Variants in DES observed in about 807,000 individuals in gnomAD.
DES encodes cardiomyopathy, dilated 1F (autosomal dominant).
Under a neutral mutation model 55.1 loss-of-function variants are expected in DES, and 34 were observed. The ratio of observed to expected loss-of-function variants is 0.62; its 90% confidence interval spans 0.47 to 0.82. The LOEUF (loss-of-function observed/expected upper bound fraction) is 0.82. Among genes scored for constraint, DES ranks in the 40% least tolerant of loss-of-function variants. The pLI is 0.00. For synonymous variants in DES, 259 were observed against 270.8 expected (o/e 0.96, Z 0.43); for missense variants, 596 against 645.9 (o/e 0.92, Z 0.84).
chr2:219,421,203 C>T, intron 5 of DES, 137 bp from the exon 6 acceptor site: 1 of 1,017,962 alleles, frequency 9.8e-7, no homozygotes, highest in Non-Finnish European at 1.5e-6. Flanking sequence ...TGAGTGTTCA[C>T]ATATAGACTT....
rs563901507 is a variant in DES, at chr2:219,419,690, G to A, written c.579-405G>A. ...TCCAAGAACGAAAAGGGCAGCAAGT[G>A]TAGCATATTTGTTGGTCCCACTTCT... On this transcript the variant is annotated intron_variant, in intron 1 of 8. Transcript: ENST00000373960. This position sits in a 1 kb window ranked among gnomAD's most constrained non-coding sequence, Gnocchi z 4.3. 6.6e-6 allele frequency among the ~76,000 whole-genome samples: 1 copy of A among 152,334 alleles called. No homozygotes were observed. Among genetic ancestry groups the A allele is most frequent in the South Asian group, 2.1e-4 (1 of 4,826 alleles).
chr2:219,422,181 A>G (rs1954457603), intron 6 of DES, among the ~76,000 whole-genome samples: 1 of 152,214 alleles, frequency 6.6e-6, no homozygotes, highest in Non-Finnish European at 1.5e-5. Flanking sequence ...AGATGAAAGC[A>G]GAATGGGGAG....
At position 219,420,634 on chromosome 2, in the gene DES, C is replaced by T; in HGVS notation, c.875C>T (p.Ala292Val). 6.2e-7 allele frequency: 1 copy of T among 1,614,034 alleles called. No individual in the cohort carries two copies. The highest frequency in any genetic ancestry group is 8.5e-7 in the Non-Finnish European group (1 of 1,180,028). The change falls in exon 4 of 9, where the codon GCT becomes GTT. Residue 292 changes from alanine (A) to valine (V), a missense_variant. Physicochemically the swap from Ala to Val is moderately conservative, Grantham distance 64 (BLOSUM62 0). Coordinates refer to ENST00000373960, the MANE Select transcript of DES (RefSeq NM_001927.4). This position sits in a 1 kb window ranked among gnomAD's most constrained non-coding sequence, Gnocchi z 6.0. ...ATCGCGGCTAAGAACATTTCTGAAG[C>T]TGAGGAGTGGTACAAGTCGAAGGTG... is the stretch of plus-strand genomic sequence containing the variant. Reference protein sequence around the residue: ...ETIAAKNISEAEEWYKSKVSD... With the variant: ...ETIAAKNISEVEEWYKSKVSD...
intron 7 of DES, chr2:219,425,421 G>A (rs2125171742): frequency 5.6e-6 from 3 of 538,872 alleles, no homozygotes; most frequent in East Asian, 3.3e-5. Context: ...TGCACATGGA[G>A]CAAATCTGTT....
intron 6 of DES, among the ~76,000 whole-genome samples, chr2:219,423,165 A>G (rs1012150561): frequency 2.6e-5 from 4 of 152,166 alleles, no homozygotes; most frequent in African/African-American, 9.7e-5. Context: ...TACTAGTACC[A>G]ACTTCAGTGC....
rs1484035342 is a variant in DES at position 219,420,422 on chromosome 2, C to T, written c.736-73C>T. The stretch of plus-strand genomic sequence containing the variant: ...CGGAAAGTGGGGTTGGGGTGAGGCT[C>T]TGGCTGGGAATAGGGGTGTGAGGGT... On this transcript the variant is annotated intron_variant, in intron 3 of 8. Transcript: ENST00000373960. The surrounding 1 kb of genome is among the most constrained non-coding windows in gnomAD (Gnocchi z 6.0). 4 of 1,612,608 alleles carry T rather than the reference C, an allele frequency of 2.5e-6. No homozygotes were observed. Among genetic ancestry groups the T allele is most frequent in the Non-Finnish European group, 3.4e-6 (4 of 1,179,402 alleles).
rs1056887883 is a variant in DES at position 219,423,725 on chromosome 2, G to T, written c.1245-52G>T. 3.8e-6 allele frequency: 6 copies of T among 1,588,988 alleles called. No individual in the cohort carries two copies. The East Asian group carries it at 1.3e-4, about 36-fold the overall frequency. On this transcript the variant is annotated intron_variant, in intron 6 of 8. Transcript: ENST00000373960. ...AAGTGCTGGGATTACAGCTGGGCCCGGCCGATGGGAGGGTTCTTAACTCTT... is the reference window on the plus strand; with the variant it reads ...AAGTGCTGGGATTACAGCTGGGCCCTGCCGATGGGAGGGTTCTTAACTCTT...
At chr2:219,421,106 G>T (rs1954432762) in intron 5 of DES, among the ~76,000 whole-genome samples, 153 bp downstream of exon 5, 1 of 152,208 alleles carries the variant, frequency 6.6e-6, no homozygotes, top group African/African-American at 2.4e-5. Flanking sequence ...ATTCCAGTTG[G>T]ATGCTAAGGA....
At position 219,418,402 on chromosome 2, in the gene DES, C is replaced by A. The variant is rs1229826792; in HGVS notation, c.-61C>A. On this transcript the variant is annotated 5_prime_UTR_variant, in exon 1 of 9. Transcript: ENST00000373960. ...GTCTCCCCTCGCCGCATCCACTCTCCGGCCGGCCGCCTGCCCGCCGCCTCC... is the reference window on the plus strand; with the variant it reads ...GTCTCCCCTCGCCGCATCCACTCTCAGGCCGGCCGCCTGCCCGCCGCCTCC... The A allele has an allele frequency of 2.0e-6, 3 of 1,503,346 alleles. No homozygotes were observed. The highest frequency in any genetic ancestry group is 1.8e-6 in the Non-Finnish European group (2 of 1,130,936). 93.1% of individuals were successfully genotyped at this position (1,503,346 alleles called of 1,614,324 possible).
intron 7 of DES, among the ~76,000 whole-genome samples, chr2:219,424,271 T>C (rs1954497676): frequency 6.6e-6 from 1 of 152,180 alleles, no homozygotes; most frequent in South Asian, 2.1e-4. Context: ...AGCAAGATGT[T>C]GGATGCACGT....
rs750160975 is a variant in DES, at chr2:219,420,598, A to G, written c.839A>G (p.Gln280Arg). The change falls in exon 4 of 9, where the codon CAG (glutamine) becomes CGG (arginine). Residue 280 changes from glutamine (Q) to arginine (R), a missense_variant. Physicochemically the swap from Gln to Arg is conservative, Grantham distance 43. Transcript: ENST00000373960. The surrounding 1 kb of genome is among the most constrained non-coding windows in gnomAD (Gnocchi z 6.0). ...GCCGCCCTCAGGGACATCCGGGCTC[A>G]GTATGAGACCATCGCGGCTAAGAAC... ...LTAALRDIRA[Q>R]YETIAAKNIS... 3 of 1,614,066 alleles carry G rather than the reference A, an allele frequency of 1.9e-6. No individual in the cohort carries two copies. In the South Asian group the frequency reaches 3.3e-5, roughly 18 times the overall value.
rs1039179103 is a variant in DES at position 219,420,959 on chromosome 2, T to G, written c.1023+6T>G. Reference sequence around the variant, plus strand: ...TTGACGCCCTGAAGGGCACTGTGAGTCCCTGCCCACCTGGCCAGGCCCTGC... The same window carrying G: ...TTGACGCCCTGAAGGGCACTGTGAGGCCCTGCCCACCTGGCCAGGCCCTGC... On this transcript the variant is annotated splice_donor_region_variant and intron_variant, in intron 5 of 8. Coordinates refer to ENST00000373960, the MANE Select transcript of DES (RefSeq NM_001927.4). This position sits in a 1 kb window ranked among gnomAD's most constrained non-coding sequence, Gnocchi z 6.0. The G allele has an allele frequency of 1.9e-6, 3 of 1,612,648 alleles. No homozygotes were observed. The highest frequency in any genetic ancestry group is 2.7e-5 in the African/African-American group (2 of 74,810).
chr2:219,421,268 C>G (rs1954435442), intron 5 of DES, 72 bp from the exon 6 acceptor site: 1 of 1,561,568 alleles, frequency 6.4e-7, no homozygotes, highest in African/African-American at 1.4e-5. Context: ...AGTTGCCTGC[C>G]AGCCCCAAAG....
intron 5 of DES, 119 bp downstream of exon 5, chr2:219,421,072 A>G (rs1954432428): frequency 1.4e-6 from 2 of 1,408,766 alleles, no homozygotes; most frequent in Non-Finnish European, 1.9e-6. Flanking sequence ...TAAATCTACA[A>G]TAGGGGTAAA....
rs1444714450 is a variant in DES at position 219,420,927 on chromosome 2, T to C, written c.997T>C (p.Cys333Arg). Residue 333 changes from cysteine to arginine, a missense_variant, in exon 5 of 9, where the codon TGC becomes CGC. Transcript: ENST00000373960. This position sits in a 1 kb window ranked among gnomAD's most constrained non-coding sequence, Gnocchi z 6.0. ...EYRHQIQSYT[C>R]EIDALKGTND... ...CCGACACCAGATCCAGTCCTACACC[T>C]GCGAGATTGACGCCCTGAAGGGCAC... 6.2e-7 allele frequency: 1 copy of C among 1,613,480 alleles called. No homozygotes were observed. The highest frequency in any genetic ancestry group is 8.5e-7 in the Non-Finnish European group (1 of 1,179,654).
intron 6 of DES, among the ~76,000 whole-genome samples, chr2:219,422,191 G>A (rs1445666019): frequency 6.6e-6 from 1 of 152,180 alleles, no homozygotes; most frequent in Non-Finnish European, 1.5e-5. Flanking sequence ...AGAATGGGGA[G>A]TGATGAGGAG....
In DES at chr2:219,419,998, C is replaced by T. The variant is rs1207230295; in HGVS notation, c.579-97C>T. On this transcript the variant is annotated intron_variant, in intron 1 of 8. Transcript: ENST00000373960. The surrounding 1 kb of genome is among the most constrained non-coding windows in gnomAD (Gnocchi z 4.3). ...TACCCAGCAGCCAGGCCCTCCCGCT[C>T]TGTCCTGGACCCACCCCCTGGTCAG... 2 of 1,342,660 alleles carry T rather than the reference C, an allele frequency of 1.5e-6. No homozygotes were observed. The highest frequency in any genetic ancestry group is 2.1e-6 in the Non-Finnish European group (2 of 936,070). 83.2% of individuals were successfully genotyped at this position (1,342,660 alleles called of 1,614,324 possible).
rs1476284710 is a variant in DES at position 219,426,583 on chromosome 2, GGAGA to G, written c.*596_*599del. ...GGAGGTGGGAGCAGGAGATTGAGAA[GGAGA>G]GAAAGTGGGTGAGATGCTGGAGAAG... On this transcript the variant is annotated 3_prime_UTR_variant, in exon 9 of 9. Transcript: ENST00000373960. This position sits in a 1 kb window ranked among gnomAD's most constrained non-coding sequence, Gnocchi z 4.5. 5.8e-6 allele frequency: 1 copy of G among 172,390 alleles called. No homozygotes were observed. Among genetic ancestry groups the G allele is most frequent in the African/African-American group, 2.4e-5 (1 of 42,054 alleles). 10.7% of individuals were successfully genotyped at this position (172,390 alleles called of 1,614,324 possible). A position where few individuals can be genotyped will look rare whatever the true frequency, so the allele number is the denominator to read the frequency against.
Position 219,418,735 on chromosome 2 carries a change from C to A in DES, c.273C>A (p.Phe91Leu). The A allele has an allele frequency of 6.4e-7, 1 of 1,562,290 alleles. No individual in the cohort carries two copies. Among genetic ancestry groups the A allele is most frequent in the Non-Finnish European group, 8.7e-7 (1 of 1,152,766 alleles). ...ACGGCGCAGGCGAGCTGCTGGACTTCTCACTGGCCGACGCGGTGAACCAGG... is the reference window on the plus strand; with the variant it reads ...ACGGCGCAGGCGAGCTGCTGGACTTATCACTGGCCGACGCGGTGAACCAGG... ...SSYGAGELLDFSLADAVNQEF... is the reference protein window; with the variant it reads ...SSYGAGELLDLSLADAVNQEF... Residue 91 changes from phenylalanine (F) to leucine (L), a missense_variant, in exon 1 of 9, where the codon TTC becomes TTA. By Grantham distance (22) the Phe-to-Leu change is conservative. Coordinates refer to ENST00000373960, the MANE Select transcript of DES (RefSeq NM_001927.4).
Sources: gnomAD v4.1 joint callset for allele counts (sites outside exome capture counted in the v4.1 genomes callset) on GRCh38, gnomAD v4.1.1 for gene constraint, Gnocchi (gnomAD v3.1) non-coding constraint, MANE v1.5 for transcripts, NCBI Gene and HGNC (gene_info 2026-07-23, HGNC 2026-07-21) for gene names.